Variants in MEGF9 observed in about 807,000 individuals in gnomAD.
MEGF9 encodes multiple epidermal growth factor-like domains protein 9.
MEGF9 carries 6 observed loss-of-function variants against 46.8 expected under a neutral mutation model. The ratio of observed to expected loss-of-function variants is 0.13; its 90% CI spans 0.07 to 0.25. The LOEUF is 0.25. MEGF9 is among the 10% of genes least tolerant of loss of function. MEGF9 has a pLI of 1.00. For missense variants in MEGF9, 683 were observed against 792.4 expected, an observed-to-expected ratio of 0.86 and a Z score of 1.66; for synonymous variants, 302 against 330.7, an observed-to-expected ratio of 0.91 and a Z score of 0.94.
At position 120,604,769 on chromosome 9, in the gene MEGF9, C is replaced by T. The variant is rs1054407026; in HGVS notation, c.*421G>A. ...TTTGTATAGTAAAACGAATATAATC[C>T]CTGACACTGTTTTAAAAAAAATGTT... On this transcript the variant is annotated 3_prime_UTR_variant, in exon 6 of 6. Transcript: ENST00000373930. 1.3e-3 allele frequency: 241 copies of T among 182,272 alleles called. 1 individual carries two copies. Among genetic ancestry groups the T allele is most frequent in the African/African-American group, 5.5e-3 (232 of 42,224 alleles). 11.3% of individuals were successfully genotyped at this position (182,272 alleles called of 1,614,324 possible).
chr9:120,651,088 G>A (rs1277517204), intron 2 of MEGF9, among the ~76,000 whole-genome samples: 2 of 152,154 alleles, frequency 1.3e-5, no homozygotes, highest in Non-Finnish European at 2.9e-5. Context: ...TAATAAAAAG[G>A]AAGGGCAATA....
At chr9:120,664,809 A>G (rs1452693784) in intron 1 of MEGF9, among the ~76,000 whole-genome samples, 1 of 152,206 alleles carries the variant, frequency 6.6e-6, no homozygotes, top group Non-Finnish European at 1.5e-5. Flanking sequence ...CCTTTTGCAA[A>G]ACTGCATAAA....
chr9:120,705,643 T>A (rs866234289), intron 1 of MEGF9, among the ~76,000 whole-genome samples: 14 of 151,804 alleles, frequency 9.2e-5, no homozygotes, highest in Middle Eastern at 3.2e-3. Context: ...TTGATACAAA[T>A]TTATCACATG....
chr9:120,695,654 G>C (rs2043873360), intron 1 of MEGF9, among the ~76,000 whole-genome samples: 1 of 143,220 alleles, frequency 7.0e-6, no homozygotes, highest in African/African-American at 2.6e-5. Context: ...ACTATGTAAT[G>C]TTAGGAAGTA....
At chr9:120,648,998 C>A (rs536566837) in intron 2 of MEGF9, among the ~76,000 whole-genome samples, 1 of 152,132 alleles carries the variant, frequency 6.6e-6, no homozygotes, top group Non-Finnish European at 1.5e-5. Context: ...CCCACCATAC[C>A]GAAGTCTTCA....
At chr9:120,663,952 T>C (rs1385687803) in intron 1 of MEGF9, among the ~76,000 whole-genome samples, 1 of 152,180 alleles carries the variant, frequency 6.6e-6, no homozygotes, top group Non-Finnish European at 1.5e-5. Context: ...ACTAAAATCT[T>C]TGCCAAACTG....
At chr9:120,629,940 A>G (rs1022906160) in intron 2 of MEGF9, among the ~76,000 whole-genome samples, 2 of 152,182 alleles carry the variant, frequency 1.3e-5, no homozygotes, top group African/African-American at 4.8e-5. Flanking sequence ...CTCAAAAAAA[A>G]AAAAAAGAAA....
chr9:120,691,391 A>G lies in MEGF9; in HGVS notation c.601+22367T>C, dbSNP rs150757142. On this transcript the variant is annotated intron_variant, in intron 1 of 5. Transcript: ENST00000373930. ...TATTCAAAATTTTCCACAATACAAA[A>G]GTTTTTAAGTATCTTTACGTTACTC... 9 of 453,020 alleles carry G rather than the reference A, an allele frequency of 2.0e-5. No individual in the cohort carries two copies. The East Asian group carries it at 5.9e-4, about 30-fold the overall frequency. 28.1% of individuals were successfully genotyped at this position (453,020 alleles called of 1,614,324 possible). A position where few individuals can be genotyped will look rare whatever the true frequency, so the allele number is the denominator to read the frequency against.
intron 1 of MEGF9, among the ~76,000 whole-genome samples, chr9:120,669,367 T>G (rs1456471596): frequency 2.0e-5 from 3 of 152,126 alleles, no homozygotes; most frequent in African/African-American, 7.2e-5. Context: ...AAATTAGAGC[T>G]GGTCAATTTA....
chr9:120,700,295 G>A (rs75959206), intron 1 of MEGF9, among the ~76,000 whole-genome samples: 6,512 of 152,136 alleles, frequency 0.043, 459 homozygotes, highest in African/African-American at 0.15. Flanking sequence ...CTGCCTTTGC[G>A]GACAAGTTGA....
intron 1 of MEGF9, chr9:120,689,818 C>T: frequency 2.7e-6 from 1 of 377,326 alleles, no homozygotes; most frequent in Admixed American, 3.2e-5. Flanking sequence ...TGCTTTATAA[C>T]CACCTAAAGT....
intron 1 of MEGF9, among the ~76,000 whole-genome samples, chr9:120,662,576 G>A (rs2043707367): frequency 6.6e-6 from 1 of 152,194 alleles, no homozygotes; most frequent in Non-Finnish European, 1.5e-5. Context: ...AGTTAATTAA[G>A]CTCTGCGTGC....
chr9:120,624,723 A>G (rs1411114793), intron 2 of MEGF9, among the ~76,000 whole-genome samples: 1 of 151,988 alleles, frequency 6.6e-6, no homozygotes, highest in Non-Finnish European at 1.5e-5. Flanking sequence ...AAAATACAAA[A>G]ATTAGTCAGA....
chr9:120,638,522 G>A (rs1442925614), intron 2 of MEGF9, among the ~76,000 whole-genome samples: 2 of 152,158 alleles, frequency 1.3e-5, no homozygotes, highest in Non-Finnish European at 2.9e-5. Flanking sequence ...CCTATAGGGG[G>A]TAGAGTAGTC....
At chr9:120,659,328 C>T in intron 2 of MEGF9, 46 bp downstream of exon 2, 5 of 1,543,792 alleles carry the variant, frequency 3.2e-6, no homozygotes, top group South Asian at 2.4e-5. Flanking sequence ...TTTTTTTTCC[C>T]CTTGCTAAAA....
At chr9:120,650,130 G>A (rs111292473) in intron 2 of MEGF9, among the ~76,000 whole-genome samples, 2,440 of 152,198 alleles carry the variant, frequency 0.016, 63 homozygotes, top group African/African-American at 0.055. Flanking sequence ...TTAGCCGGGC[G>A]TGGTGGCGGG....
At chr9:120,708,759 C>T (rs983358954) in intron 1 of MEGF9, among the ~76,000 whole-genome samples, 1 of 152,152 alleles carries the variant, frequency 6.6e-6, no homozygotes, top group Non-Finnish European at 1.5e-5. Context: ...GGGTGGAGTA[C>T]ACTGACAAAC....
intron 1 of MEGF9, among the ~76,000 whole-genome samples, chr9:120,707,432 C>A (rs189693201): frequency 2.2e-4 from 34 of 152,312 alleles, no homozygotes; most frequent in Non-Finnish European, 3.2e-4. Context: ...TGTAAAGATA[C>A]GTGCAGTTTG....
At position 120,625,807 on chromosome 9, in the gene MEGF9, C is replaced by G. The variant is rs371584724; in HGVS notation, c.804-3052G>C. ...CAAGATTGCGCCACTGCACTCCAGCCTGGGTGACAGCAAGACTCTGTCTCA... is the reference window on the plus strand; with the variant it reads ...CAAGATTGCGCCACTGCACTCCAGCGTGGGTGACAGCAAGACTCTGTCTCA... On this transcript the variant is annotated intron_variant, in intron 2 of 5. Coordinates refer to ENST00000373930, the MANE Select transcript of MEGF9 (RefSeq NM_001080497.3). Among the ~76,000 whole-genome samples the G allele has an allele frequency of 7.1e-3, 962 of 135,808 alleles. 12 individuals are homozygous for G. Among genetic ancestry groups the G allele is most frequent in the African/African-American group, 0.026 (913 of 35,528 alleles). The allele number at this position is 135,808 out of a possible 152,430, so 89.1% of individuals were successfully genotyped here. A position where few individuals can be genotyped will look rare whatever the true frequency, so the allele number is the denominator to read the frequency against.
Sources: gnomAD v4.1 joint callset for allele counts (sites outside exome capture counted in the v4.1 genomes callset) on GRCh38, gnomAD v4.1.1 for gene constraint, MANE v1.5 for transcripts, NCBI Gene and HGNC (gene_info 2026-07-23, HGNC 2026-07-21) for gene names.